FAM124A: variants seen among roughly 807,000 people sequenced by gnomAD.
FAM124A encodes the protein family with sequence similarity 124 member A.
A neutral mutation model predicts 24.5 loss-of-function variants in FAM124A; 23 were observed. The observed-to-expected ratio is 0.94, with a 90% CI of 0.68 to 1.33. The LOEUF (loss-of-function observed/expected upper bound fraction) is 1.33, where lower values mean the gene tolerates loss of function less well. FAM124A is among the 40% of genes most tolerant of loss of function. The pLI, the probability that FAM124A is intolerant of heterozygous loss-of-function variation, is 0.00. For missense variants in FAM124A, 623 were observed against 722.8 expected (o/e 0.86, Z 1.58); for synonymous variants, 287 against 314.7 (o/e 0.91, Z 0.93).
chr13:51,257,150 G>A (rs7983188), intron 3 of FAM124A, among the ~76,000 whole-genome samples: 58,760 of 152,040 alleles, frequency 0.39, 13,015 homozygotes, highest in East Asian at 0.7. Context: ...ACGTGGGTAT[G>A]TAAATGCCTC....
chr13:51,233,002 C>G (rs1954395196), intron 2 of FAM124A, among the ~76,000 whole-genome samples: 1 of 152,176 alleles, frequency 6.6e-6, no homozygotes, highest in Non-Finnish European at 1.5e-5. Flanking sequence ...TTCCTTTCTA[C>G]TTTAAATGTT....
intron 3 of FAM124A, 74 bp from the exon 4 acceptor site, chr13:51,280,376 A>T: frequency 7.5e-7 from 1 of 1,337,728 alleles, no homozygotes; most frequent in African/African-American, 1.5e-5. Context: ...GTTTCCAATG[A>T]TTGGTAACTG....
rs1195201446 is a variant in FAM124A at position 51,251,589 on chromosome 13, C to T, written c.222C>T (p.Pro74=). 3.2e-6 allele frequency: 5 copies of T among 1,565,720 alleles called. No individual in the cohort carries two copies. Among genetic ancestry groups the T allele is most frequent in the South Asian group, 2.4e-5 (2 of 83,226 alleles). ...ACAACGTCCTGGCGTGGATCCACCC[C>T]GACCTCCCGCTGTTCCGGGTGTCCG... ...AIDNVLAWIH[P]DLPLFRVSER... is the part of the protein sequence containing the mutation. Residue 74 remains proline (P), a synonymous_variant, in exon 3 of 4, where the codon CCC becomes CCT. Coordinates refer to ENST00000322475, the MANE Select transcript of FAM124A (RefSeq NM_001242312.2). The surrounding 1 kb of genome is among the most constrained non-coding windows in gnomAD (Gnocchi z 5.3).
At chr13:51,280,067 G>A (rs1954920252) in intron 3 of FAM124A, among the ~76,000 whole-genome samples, 1 of 152,162 alleles carries the variant, frequency 6.6e-6, no homozygotes. Context: ...TTCTTTGGTT[G>A]GAAGGAAAGA....
intron 3 of FAM124A, among the ~76,000 whole-genome samples, chr13:51,259,856 C>T (rs990461382): frequency 1.3e-5 from 2 of 152,156 alleles, no homozygotes; most frequent in Non-Finnish European, 2.9e-5. Flanking sequence ...ACATGTTAGA[C>T]ACCCAGTGTT....
At chr13:51,232,724 T>G (rs1475361122) in intron 2 of FAM124A, among the ~76,000 whole-genome samples, 2 of 151,784 alleles carry the variant, frequency 1.3e-5, no homozygotes, top group African/African-American at 4.8e-5. Context: ...TCAGTTGAAC[T>G]CTCTCTCTCT....
chr13:51,245,201 G>T, intron 2 of FAM124A: 1 of 461,278 alleles, frequency 2.2e-6, no homozygotes, highest in South Asian at 4.7e-5. Context: ...AGATTGGTCG[G>T]ACCAGGTGTG....
intron 3 of FAM124A, 84 bp from the exon 4 acceptor site, chr13:51,280,366 G>C (rs1025749984): frequency 8.0e-7 from 1 of 1,256,366 alleles, no homozygotes; most frequent in South Asian, 1.6e-5. Flanking sequence ...ATTGCCAGGA[G>C]TTTCCAATGA....
At chr13:51,255,567 A>T (rs1435283026) in intron 3 of FAM124A, among the ~76,000 whole-genome samples, 2 of 152,318 alleles carry the variant, frequency 1.3e-5, no homozygotes, top group African/African-American at 4.8e-5. Flanking sequence ...ACACAGGAAA[A>T]ATCAGCTATG....
chr13:51,250,882 C>G (rs567427719), intron 2 of FAM124A, among the ~76,000 whole-genome samples: 1 of 152,340 alleles, frequency 6.6e-6, no homozygotes, highest in East Asian at 1.9e-4. Context: ...AGAGTAAGCC[C>G]CAGGGGGCAA....
chr13:51,238,707 A>G (rs1456831889), intron 2 of FAM124A, among the ~76,000 whole-genome samples: 1 of 152,234 alleles, frequency 6.6e-6, no homozygotes, highest in African/African-American at 2.4e-5. Flanking sequence ...GAAGGAATCT[A>G]CTGAAGCTGA....
intron 3 of FAM124A, among the ~76,000 whole-genome samples, chr13:51,279,336 C>G: frequency 6.6e-6 from 1 of 152,218 alleles, no homozygotes; most frequent in East Asian, 1.9e-4. Context: ...GCTCCTTACC[C>G]CATCCCAAAG....
rs1954963918 is a variant in FAM124A at position 51,283,923 on chromosome 13, C to T, written c.*2667C>T. 6.6e-6 allele frequency: 1 copy of T among 152,192 alleles called. No individual in the cohort carries two copies. The highest frequency in any genetic ancestry group is 6.5e-5 in the Admixed American group (1 of 15,278). 9.4% of individuals were successfully genotyped at this position (152,192 alleles called of 1,614,324 possible). A position where few individuals can be genotyped will look rare whatever the true frequency, so the allele number is the denominator to read the frequency against. On this transcript the variant is annotated 3_prime_UTR_variant, in exon 4 of 4. Coordinates refer to ENST00000322475, the MANE Select transcript of FAM124A (RefSeq NM_001242312.2). Reference sequence around the variant, plus strand: ...CCCGCCCTCATCACAGTCCAATCTACCAAACTGAGTGACCCTAAAGGACAT... The same window carrying T: ...CCCGCCCTCATCACAGTCCAATCTATCAAACTGAGTGACCCTAAAGGACAT...
At chr13:51,253,659 A>G (rs1954648645) in intron 3 of FAM124A, 2 of 152,236 alleles carry the variant, frequency 1.3e-5, no homozygotes, top group African/African-American at 4.8e-5. Context: ...CAGTAATTAG[A>G]GCACTTTTTT....
intron 2 of FAM124A, chr13:51,245,426 C>A: frequency 1.6e-6 from 1 of 625,174 alleles, no homozygotes; most frequent in Non-Finnish European, 2.9e-6. Context: ...TCAGGTAGCC[C>A]TTTTCTATTG....
At chr13:51,231,324 T>G (rs1954374270) in intron 1 of FAM124A, 24 bp from the exon 2 acceptor site, 1 of 1,613,648 alleles carries the variant, frequency 6.2e-7, no homozygotes, top group Non-Finnish European at 8.5e-7. Flanking sequence ...AGAATTCTAC[T>G]AACGCTGAGG....
chr13:51,255,905 A>G (rs1356610229), intron 3 of FAM124A, among the ~76,000 whole-genome samples: 1 of 152,238 alleles, frequency 6.6e-6, no homozygotes, highest in Non-Finnish European at 1.5e-5. Context: ...GGCTTTCAGT[A>G]GCTAGTGAGT....
intron 3 of FAM124A, among the ~76,000 whole-genome samples, chr13:51,274,006 C>T (rs1179316777): frequency 6.6e-6 from 1 of 152,194 alleles, no homozygotes; most frequent in Non-Finnish European, 1.5e-5. Context: ...AGAAAGCTTG[C>T]ACCTGGGCAT....
At chr13:51,279,033 CAG>C (rs1566176444) in intron 3 of FAM124A, among the ~76,000 whole-genome samples, 1 of 152,066 alleles carries the variant, frequency 6.6e-6, no homozygotes, top group Non-Finnish European at 1.5e-5. Flanking sequence ...ACTTTGAAGA[CAG>C]AAGTTACAAG....
Sources: allele counts gnomAD v4.1 joint callset (sites outside exome capture counted in the v4.1 genomes callset), GRCh38; gene constraint gnomAD v4.1.1; non-coding constraint Gnocchi (gnomAD v3.1); transcripts MANE v1.5; gene names NCBI Gene and HGNC (gene_info 2026-07-23, HGNC 2026-07-21).